The following MVB12B variants were observed in gnomAD, a reference collection of about 807,000 sequenced individuals.
The protein encoded by MVB12B is multivesicular body subunit 12B, also known as ESCRT-I complex subunit MVB12B.
Under a neutral mutation model 41.6 loss-of-function variants are expected in MVB12B, and 16 were observed. The ratio of observed to expected loss-of-function variants is 0.38; its 90% CI spans 0.26 to 0.58. The LOEUF (loss-of-function observed/expected upper bound fraction) is 0.58, where lower values mean the gene tolerates loss of function less well. MVB12B is among the 20% of genes least tolerant of loss of function. MVB12B has a pLI of 0.62. For missense variants in MVB12B, 274 were observed against 380.2 expected (o/e 0.72, Z 2.32); for synonymous variants, 133 against 139.7 (o/e 0.95, Z 0.34).
Position 126,340,877 on chromosome 9 carries a change from C to A in MVB12B, c.204+247C>A, listed in dbSNP as rs1035382745. On this transcript the variant is annotated intron_variant, in intron 2 of 9. Coordinates refer to ENST00000361171, the MANE Select transcript of MVB12B (RefSeq NM_033446.3). The surrounding 1 kb of genome is among the most constrained non-coding windows in gnomAD (Gnocchi z 4.0). ...TTCTGTAAAATTAAGGAGTTAGATT[C>A]ATTGATTTTCAACTTCTGGTTGTGA... 6.6e-6 allele frequency among the ~76,000 whole-genome samples: 1 copy of A among 152,170 alleles called. No homozygotes were observed. Among genetic ancestry groups the A allele is most frequent in the African/African-American group, 2.4e-5 (1 of 41,442 alleles).
At chr9:126,327,176 G>C (rs1829005316) in intron 1 of MVB12B, 166 bp downstream of exon 1, 1 of 858,464 alleles carries the variant, frequency 1.2e-6, no homozygotes. Flanking sequence ...GGACAGGCCC[G>C]GGCGGCCTTT....
At chr9:126,403,308 C>T (rs1157004930) in intron 6 of MVB12B, among the ~76,000 whole-genome samples, 5 of 152,212 alleles carry the variant, frequency 3.3e-5, no homozygotes, top group Admixed American at 6.5e-5. Context: ...TCACCATGCA[C>T]CTCAGTTTGT....
intron 7 of MVB12B, among the ~76,000 whole-genome samples, chr9:126,429,317 C>T (rs1262210782): frequency 6.6e-6 from 1 of 152,118 alleles, no homozygotes; most frequent in African/African-American, 2.4e-5. Context: ...GGGAATTGAT[C>T]GCATGGTGTA....
chr9:126,477,049 C>G (rs1057279753), intron 7 of MVB12B, among the ~76,000 whole-genome samples: 1 of 152,088 alleles, frequency 6.6e-6, no homozygotes, highest in African/African-American at 2.4e-5. Flanking sequence ...TCTTGGCCCA[C>G]GGTTCTACAG....
chr9:126,412,877 C>T (rs1360726822), intron 6 of MVB12B, among the ~76,000 whole-genome samples: 1 of 152,228 alleles, frequency 6.6e-6, no homozygotes, highest in Non-Finnish European at 1.5e-5. Flanking sequence ...TTTTACTTAA[C>T]AGCCAGTCTT....
At chr9:126,446,938 C>CTTTTTTTTTTTTTTTTTTTTTT (rs33991689) in intron 7 of MVB12B, among the ~76,000 whole-genome samples, 1 of 104,324 alleles carries the variant, frequency 9.6e-6, no homozygotes, top group Non-Finnish European at 1.8e-5. Flanking sequence ...TTTTAACTTT[C>CTTTTTTTTTTTTTTTTTTTTTT]TTTTTTTTTT....
chr9:126,457,903 C>T (rs1833015729), intron 7 of MVB12B, among the ~76,000 whole-genome samples: 1 of 152,128 alleles, frequency 6.6e-6, no homozygotes, highest in Non-Finnish European at 1.5e-5. Context: ...TCCACCAAAA[C>T]CAGATAATAA....
At chr9:126,496,818 C>A (rs893741404) in intron 9 of MVB12B, among the ~76,000 whole-genome samples, 6 of 151,958 alleles carry the variant, frequency 3.9e-5, no homozygotes, top group African/African-American at 1.5e-4. Context: ...CAGGCCAGAT[C>A]CTGGGTGGAA....
chr9:126,388,602 A>G (rs576479591), intron 4 of MVB12B, among the ~76,000 whole-genome samples: 1 of 152,352 alleles, frequency 6.6e-6, no homozygotes, highest in Non-Finnish European at 1.5e-5. Flanking sequence ...TTGAGGAACT[A>G]TCAAATGATG....
In MVB12B at chr9:126,503,326, G is replaced by T; in HGVS notation, c.*63G>T. On this transcript the variant is annotated 3_prime_UTR_variant, in exon 10 of 10. Transcript: ENST00000361171. ...CAGACTACTGACGGCAGGGGCTGCT[G>T]CCCCCGCCTCCTCCTGCCGCCTCCG... 7.3e-7 allele frequency: 1 copy of T among 1,375,962 alleles called. No homozygotes were observed. Among genetic ancestry groups the T allele is most frequent in the Non-Finnish European group, 1.0e-6 (1 of 997,816 alleles). 85.2% of individuals were successfully genotyped at this position (1,375,962 alleles called of 1,614,324 possible). A position where few individuals can be genotyped will look rare whatever the true frequency, so the allele number is the denominator to read the frequency against.
intron 2 of MVB12B, among the ~76,000 whole-genome samples, chr9:126,341,270 G>A (rs1310183677): frequency 6.6e-6 from 1 of 152,206 alleles, no homozygotes; most frequent in Non-Finnish European, 1.5e-5. Flanking sequence ...CTGTGCTGGT[G>A]TTCAGTAGTC....
intron 7 of MVB12B, among the ~76,000 whole-genome samples, chr9:126,465,052 G>T (rs532816313): frequency 1.4e-4 from 21 of 152,304 alleles, no homozygotes; most frequent in Middle Eastern, 3.4e-3. Context: ...GGAAGGCCCA[G>T]GACCTACTTT....
At chr9:126,492,138 G>A (rs1012225866) in intron 9 of MVB12B, among the ~76,000 whole-genome samples, 1 of 136,746 alleles carries the variant, frequency 7.3e-6, no homozygotes, top group Non-Finnish European at 1.6e-5. Flanking sequence ...ACACACACAC[G>A]CTCAGCAGGC....
At chr9:126,452,376 G>C (rs1383913769) in intron 7 of MVB12B, among the ~76,000 whole-genome samples, 2 of 152,318 alleles carry the variant, frequency 1.3e-5, no homozygotes. Flanking sequence ...TCCCTCCTCA[G>C]CTCGGACCAG....
intron 7 of MVB12B, among the ~76,000 whole-genome samples, chr9:126,452,676 C>G (rs553970284): frequency 4.1e-4 from 62 of 152,164 alleles, no homozygotes; most frequent in Middle Eastern, 6.8e-3. Context: ...AGCCCATTTC[C>G]CCCATGCCTT....
intron 6 of MVB12B, among the ~76,000 whole-genome samples, chr9:126,398,339 G>T (rs1315095157): frequency 3.9e-5 from 6 of 152,022 alleles, no homozygotes; most frequent in African/African-American, 9.7e-5. Context: ...AACCCCTCCA[G>T]ACTACTCCCT....
At chr9:126,342,614 C>T (rs1588087630) in intron 2 of MVB12B, among the ~76,000 whole-genome samples, 1 of 152,224 alleles carries the variant, frequency 6.6e-6, no homozygotes, top group South Asian at 2.1e-4. Context: ...TCTGCACGGC[C>T]GAGGTGGAGA....
chr9:126,367,921 A>AT lies in MVB12B; in HGVS notation c.205-13142dup, dbSNP rs1830228701. On this transcript the variant is annotated intron_variant, in intron 2 of 9. Coordinates refer to ENST00000361171, the MANE Select transcript of MVB12B (RefSeq NM_033446.3). This position sits in a 1 kb window ranked among gnomAD's most constrained non-coding sequence, Gnocchi z 4.3. ...GGAGGGAGGGGAGGGAGTGCCTGACATATCATAAATGGCTAGAGAATGTTT... is the reference window on the plus strand; with the variant it reads ...GGAGGGAGGGGAGGGAGTGCCTGACATTATCATAAATGGCTAGAGAATGTTT... 1.3e-5 allele frequency among the ~76,000 whole-genome samples: 2 copies of AT among 152,204 alleles called. No homozygotes were observed. Among genetic ancestry groups the AT allele is most frequent in the Admixed American group, 6.5e-5 (1 of 15,280 alleles).
intron 2 of MVB12B, among the ~76,000 whole-genome samples, chr9:126,379,036 C>T (rs544169930): frequency 1.3e-5 from 2 of 152,282 alleles, no homozygotes; most frequent in East Asian, 3.9e-4. Context: ...TCTCTTGGAA[C>T]GTTAAAGACA....
Sources: gnomAD v4.1 joint callset for allele counts (sites outside exome capture counted in the v4.1 genomes callset) on GRCh38, gnomAD v4.1.1 for gene constraint, Gnocchi (gnomAD v3.1) non-coding constraint, MANE v1.5 for transcripts, NCBI Gene and HGNC (gene_info 2026-07-23, HGNC 2026-07-21) for gene names.